UBE4B: variants seen among roughly 807,000 people sequenced by gnomAD.
The protein encoded by UBE4B is ubiquitination factor E4B.
Under a neutral mutation model 148.1 loss-of-function variants are expected in UBE4B, and 27 were observed. That is an observed-to-expected ratio of 0.18 (90% CI 0.13 to 0.25). UBE4B has a LOEUF of 0.25. Ranked by LOEUF, UBE4B falls within the 10% of genes least tolerant of loss-of-function variation. The pLI is 1.00. For synonymous variants in UBE4B, 596 were observed against 619.3 expected (o/e 0.96, Z 0.56); for missense variants, 1,170 against 1,662.4 (o/e 0.70, Z 5.15).
Position 10,119,692 on chromosome 1 carries a change from T to G in UBE4B, c.1439+79T>G. On this transcript the variant is annotated intron_variant, in intron 9 of 27. Transcript: ENST00000343090. ...AGTGGACATCAGGCTCTCTGGCCAT[T>G]CTTGCACCACCTTAGATAACTCCCT... 14 of 1,291,222 alleles carry G rather than the reference T, an allele frequency of 1.1e-5. No homozygotes were observed. The South Asian group carries it at 1.7e-4, about 16-fold the overall frequency. The allele number at this position is 1,291,222 out of a possible 1,614,324, so 80.0% of individuals were successfully genotyped here. A position where few individuals can be genotyped will look rare whatever the true frequency, so the allele number is the denominator to read the frequency against.
chr1:10,078,408 C>T (rs1010870894), intron 2 of UBE4B, among the ~76,000 whole-genome samples: 1 of 152,162 alleles, frequency 6.6e-6, no homozygotes. Flanking sequence ...AGTTTCTTTC[C>T]TTAAAGAGCT....
intron 2 of UBE4B, among the ~76,000 whole-genome samples, chr1:10,090,141 G>A (rs1169233732): frequency 2.0e-5 from 3 of 151,246 alleles, no homozygotes; most frequent in Non-Finnish European, 4.4e-5. Context: ...TTTTTTTTAG[G>A]CATGGTTTCA....
chr1:10,148,358 G>A (rs577914581), intron 19 of UBE4B, among the ~76,000 whole-genome samples: 7 of 152,200 alleles, frequency 4.6e-5, no homozygotes, highest in African/African-American at 1.7e-4. Flanking sequence ...AAGGCTGGGC[G>A]TGGTGGCTCA....
intron 2 of UBE4B, among the ~76,000 whole-genome samples, chr1:10,093,145 A>C: frequency 6.6e-6 from 1 of 152,180 alleles, no homozygotes; most frequent in East Asian, 1.9e-4. Flanking sequence ...TTAATTTTAT[A>C]ACTTGTTTTG....
chr1:10,108,478 G>A (rs1170200014), intron 7 of UBE4B, among the ~76,000 whole-genome samples: 1 of 152,170 alleles, frequency 6.6e-6, no homozygotes, highest in African/African-American at 2.4e-5. Context: ...CTTTGAGCAA[G>A]AGAATATAAT....
chr1:10,170,790 A>C (rs1199747418), intron 24 of UBE4B, among the ~76,000 whole-genome samples: 1 of 152,210 alleles, frequency 6.6e-6, no homozygotes, highest in Non-Finnish European at 1.5e-5. Flanking sequence ...GATAATGGTA[A>C]GATTTGTATA....
At position 10,161,957 on chromosome 1, in the gene UBE4B, G is replaced by A. The variant is rs1476986106; in HGVS notation, c.3198+671G>A. Among the ~76,000 whole-genome samples the A allele has an allele frequency of 6.6e-6, 1 of 151,912 alleles. No individual in the cohort carries two copies. The highest frequency in any genetic ancestry group is 2.4e-5 in the African/African-American group (1 of 41,370). ...AGAATCAGAACTGATTTCCATAAGGGGTTCTCATGTCAAAGTGGGGACTGC... is the reference window on the plus strand; with the variant it reads ...AGAATCAGAACTGATTTCCATAAGGAGTTCTCATGTCAAAGTGGGGACTGC... On this transcript the variant is annotated intron_variant, in intron 23 of 27. Transcript: ENST00000343090. This position sits in a 1 kb window ranked among gnomAD's most constrained non-coding sequence, Gnocchi z 4.1.
At chr1:10,062,129 C>T (rs930902088) in intron 1 of UBE4B, among the ~76,000 whole-genome samples, 2 of 151,680 alleles carry the variant, frequency 1.3e-5, no homozygotes, top group African/African-American at 4.8e-5. Flanking sequence ...AGGATGGTCT[C>T]GATTTCTTGA....
chr1:10,128,620 C>T (rs1398140677), intron 11 of UBE4B: 2 of 152,336 alleles, frequency 1.3e-5, no homozygotes, highest in East Asian at 3.9e-4. Context: ...TTTGTGAACT[C>T]CTGCACTAGG....
intron 21 of UBE4B, among the ~76,000 whole-genome samples, chr1:10,157,875 T>G (rs1646099587): frequency 6.6e-6 from 1 of 152,206 alleles, no homozygotes; most frequent in Non-Finnish European, 1.5e-5. Flanking sequence ...TTTATCCCTC[T>G]TTAATAGATT....
At chr1:10,073,918 C>CTTTT (rs1167412492) in intron 2 of UBE4B, among the ~76,000 whole-genome samples, 1 of 130,588 alleles carries the variant, frequency 7.7e-6, no homozygotes, top group Non-Finnish European at 1.6e-5. Flanking sequence ...TTCTTTCTTT[C>CTTTT]TATTTTTTTT....
chr1:10,113,901 C>A lies in UBE4B; in HGVS notation c.1197-3558C>A, dbSNP rs189180764. On this transcript the variant is annotated intron_variant, in intron 7 of 27. Coordinates refer to ENST00000343090, the MANE Select transcript of UBE4B (RefSeq NM_001105562.3). ...CCAACATGGTGAAACCCCGTCTCTA[C>A]TAAAAATACAAAAATTAGCCAGGCA... 1.6e-3 allele frequency among the ~76,000 whole-genome samples: 250 copies of A among 152,082 alleles called. 1 individual carries two copies. The highest frequency in any genetic ancestry group is 5.7e-3 in the African/African-American group (237 of 41,510).
intron 1 of UBE4B, among the ~76,000 whole-genome samples, chr1:10,068,496 C>T (rs1158368540): frequency 6.6e-6 from 1 of 151,626 alleles, no homozygotes; most frequent in Non-Finnish European, 1.5e-5. Context: ...ATTATGGGCG[C>T]GTGCCACCAT....
intron 2 of UBE4B, among the ~76,000 whole-genome samples, chr1:10,084,843 A>G (rs6541077): frequency 0.99 from 149,394 of 151,664 alleles, 73,589 homozygotes; most frequent in East Asian, 1. Flanking sequence ...GATTACAAGC[A>G]CCCGCCACCA....
At chr1:10,103,829 T>C (rs1408372981) in intron 5 of UBE4B, among the ~76,000 whole-genome samples, 1 of 152,128 alleles carries the variant, frequency 6.6e-6, no homozygotes, top group Non-Finnish European at 1.5e-5. Flanking sequence ...GGTTTCACCA[T>C]GTTGGCCAGG....
At chr1:10,170,312 A>T (rs1466144360) in intron 24 of UBE4B, among the ~76,000 whole-genome samples, 1 of 152,238 alleles carries the variant, frequency 6.6e-6, no homozygotes, top group Non-Finnish European at 1.5e-5. Context: ...ACAGTGAAAT[A>T]CAGGAGTACT....
At chr1:10,086,595 A>G (rs1216144624) in intron 2 of UBE4B, among the ~76,000 whole-genome samples, 1 of 152,200 alleles carries the variant, frequency 6.6e-6, no homozygotes, top group Non-Finnish European at 1.5e-5. Flanking sequence ...GTCAATATAG[A>G]AGCGTCAGTG....
Position 10,158,422 on chromosome 1 carries a change from C to A in UBE4B, c.2993C>A (p.Thr998Asn). Reference sequence around the variant, plus strand: ...TTCACAATTCGCTATCATATTAGCACCATTTTTAAAAGCCTTTGGCAAAAC... The same window carrying A: ...TTCACAATTCGCTATCATATTAGCAACATTTTTAAAAGCCTTTGGCAAAAC... ...DKFTIRYHISTIFKSLWQNIA... is the reference protein window; with the variant it reads ...DKFTIRYHISNIFKSLWQNIA... The change falls in exon 22 of 28, where the codon ACC becomes AAC. Residue 998 changes from threonine to asparagine, a missense_variant. Physicochemically the swap from Thr to Asn is moderately conservative, Grantham distance 65. This residue lies in a region of UBE4B where 348 missense variants were observed against 627.2 expected (regional missense o/e 0.55). Coordinates refer to ENST00000343090, the MANE Select transcript of UBE4B (RefSeq NM_001105562.3). 2 of 1,614,170 alleles carry A rather than the reference C, an allele frequency of 1.2e-6. No individual in the cohort carries two copies. Among genetic ancestry groups the A allele is most frequent in the South Asian group, 1.1e-5 (1 of 91,086 alleles).
chr1:10,081,463 C>T (rs1644679399), intron 2 of UBE4B, among the ~76,000 whole-genome samples: 1 of 151,900 alleles, frequency 6.6e-6, no homozygotes, highest in South Asian at 2.1e-4. Context: ...CCCACTCTGT[C>T]ACCCAGGCTG....
Sources: allele counts gnomAD v4.1 joint callset (sites outside exome capture counted in the v4.1 genomes callset), GRCh38; gene constraint gnomAD v4.1.1; regional missense constraint gnomAD v4.1.1; non-coding constraint Gnocchi (gnomAD v3.1); transcripts MANE v1.5; gene names NCBI Gene and HGNC (gene_info 2026-07-23, HGNC 2026-07-21).